EVC: variants seen among roughly 807,000 people sequenced by gnomAD.
The protein encoded by EVC is EvC ciliary complex subunit 1.
A neutral mutation model predicts 118.9 loss-of-function variants in EVC; 116 were observed. The ratio of observed to expected loss-of-function variants is 0.98; its 90% CI spans 0.84 to 1.14. The LOEUF (loss-of-function observed/expected upper bound fraction) is 1.14, where lower values mean the gene tolerates loss of function less well. Among genes scored for constraint, EVC ranks in the 50% most tolerant of loss-of-function variants. The probability of loss-of-function intolerance (pLI) is 0.00; values close to 1 mark genes in which losing one functional copy is unlikely to be tolerated. For missense variants in EVC, 1,401 were observed against 1,246.4 expected (o/e 1.12, Z -1.87); for synonymous variants, 619 against 534.7 (o/e 1.16, Z -2.18).
At chr4:5,825,016 G>A in the EVC span, 1 of 984,830 alleles carries the variant, frequency 1.0e-6, no homozygotes, top group Admixed American at 6.2e-5. The surrounding 1 kb of genome is among the most constrained non-coding windows in gnomAD (Gnocchi z 4.4). Context: ...AATAAATAGG[G>A]TATAATGTTA....
At chr4:5,797,597 G>A (rs75130061) in intron 14 of EVC, among the ~76,000 whole-genome samples, 229 of 152,282 alleles carry the variant, frequency 1.5e-3, no homozygotes, top group Middle Eastern at 6.8e-3. Flanking sequence ...CAAGGCCCAC[G>A]TTAATGACCT....
the EVC span, chr4:5,824,500 CTT>C: frequency 1.0e-4 from 99 of 977,412 alleles, no homozygotes; most frequent in African/African-American, 1.3e-3. Flanking sequence ...CTCTCTCTCT[CTT>C]TGCCCCTTCC....
At chr4:5,736,280 TAC>T (rs10556213) in intron 5 of EVC, among the ~76,000 whole-genome samples, 2,626 of 149,026 alleles carry the variant, frequency 0.018, 50 homozygotes, top group African/African-American at 0.047. Context: ...TGCATAGAAC[TAC>T]ACACACACAC....
At chr4:5,740,868 C>G (rs1351358) in intron 5 of EVC, among the ~76,000 whole-genome samples, 29,826 of 152,120 alleles carry the variant, frequency 0.2, 3,822 homozygotes, top group Non-Finnish European at 0.29. Context: ...CATGAAAATC[C>G]AAGTTGAACT....
chr4:5,794,572 G>T (rs1713592463), intron 13 of EVC, among the ~76,000 whole-genome samples: 1 of 150,822 alleles, frequency 6.6e-6, no homozygotes. Flanking sequence ...CATCATGCCT[G>T]GCTAATTTTT....
chr4:5,715,625 T>C (rs1456749392), intron 1 of EVC, among the ~76,000 whole-genome samples: 2 of 152,248 alleles, frequency 1.3e-5, no homozygotes, highest in East Asian at 1.9e-4. Flanking sequence ...GATGCAACTC[T>C]TTTGAGAACT....
rs80188245 is a variant in EVC at position 5,742,115 on chromosome 4, T to C, written c.801+301T>C. Among the ~76,000 whole-genome samples the C allele has an allele frequency of 0.011, 1,664 of 152,322 alleles. 34 individuals are homozygous for C. The highest frequency in any genetic ancestry group is 0.038 in the African/African-American group (1,572 of 41,564). On this transcript the variant is annotated intron_variant, in intron 6 of 20. Coordinates refer to ENST00000264956, the MANE Select transcript of EVC (RefSeq NM_153717.3). This position sits in a 1 kb window ranked among gnomAD's most constrained non-coding sequence, Gnocchi z 5.2. ...GATATTTTTAAAGACATAATTTGTT[T>C]ATTGGTTATAGCTATGTATACTACT...
At chr4:5,783,917 G>T (rs1037709635) in intron 12 of EVC, among the ~76,000 whole-genome samples, 153 bp downstream of exon 12, 1 of 149,770 alleles carries the variant, frequency 6.7e-6, no homozygotes, top group Non-Finnish European at 1.5e-5. Context: ...GCCCACCACA[G>T]GGGTGGGATG....
chr4:5,824,288 C>G, the EVC span: 24 of 985,176 alleles, frequency 2.4e-5, no homozygotes, highest in Non-Finnish European at 2.9e-5. Flanking sequence ...CATCACATGA[C>G]TTTTAGCATT....
At position 5,798,394 on chromosome 4, in the gene EVC, CACAGACACCTA is replaced by C. The variant is rs3830226; in HGVS notation, c.2098-178_2098-168del. Among the ~76,000 whole-genome samples, 20,536 of 152,170 alleles carry C rather than the reference CACAGACACCTA, an allele frequency of 0.13. 1,678 individuals carry two copies. Among genetic ancestry groups the C allele is most frequent in the South Asian group, 0.23 (1,114 of 4,816 alleles). ...TCAATAAATGCCCTTTTTCTGGGGA[CACAGACACCTA>C]ACAGACACCTAACCTCATCCATTGA... On this transcript the variant is annotated intron_variant, in intron 14 of 20. Coordinates refer to ENST00000264956, the MANE Select transcript of EVC (RefSeq NM_153717.3). This position sits in a 1 kb window ranked among gnomAD's most constrained non-coding sequence, Gnocchi z 4.1.
intron 11 of EVC, among the ~76,000 whole-genome samples, chr4:5,781,579 GTAATCCCAGCACT>G (rs1452006835): frequency 6.6e-6 from 1 of 152,156 alleles, no homozygotes; most frequent in East Asian, 1.9e-4. Context: ...GCCCACACCT[GTAATCCCAGCACT>G]TTGGGAGGTC....
rs60275784 is a variant in EVC at position 5,736,506 on chromosome 4, A to ATT, written c.702+3089_702+3090dup. Among the ~76,000 whole-genome samples the ATT allele has an allele frequency of 8.5e-3, 1,158 of 136,158 alleles. 11 individuals are homozygous for ATT. The highest frequency in any genetic ancestry group is 0.018 in the African/African-American group (648 of 36,882). 89.3% of individuals were successfully genotyped at this position (136,158 alleles called of 152,430 possible). On this transcript the variant is annotated intron_variant, in intron 5 of 20. Transcript: ENST00000264956. ...CTTAATTGCGCTTCAGAGATGCTGC[A>ATT]TTTTTTTTTTTTTTTTTTTACAAAT... is the stretch of plus-strand genomic sequence containing the variant.
chr4:5,766,793 T>G (rs1732935219), intron 11 of EVC, among the ~76,000 whole-genome samples: 1 of 138,818 alleles, frequency 7.2e-6, no homozygotes, highest in Admixed American at 7.1e-5. Flanking sequence ...GTTATTCTAG[T>G]TATACATTCA....
chr4:5,728,464 A>T (rs934466560), intron 2 of EVC, among the ~76,000 whole-genome samples: 2 of 151,860 alleles, frequency 1.3e-5, no homozygotes, highest in South Asian at 2.1e-4. Flanking sequence ...CAGCTTAAGG[A>T]GATTTTGGGC....
At chr4:5,761,775 A>G (rs1732063041) in intron 11 of EVC, among the ~76,000 whole-genome samples, 1 of 151,792 alleles carries the variant, frequency 6.6e-6, no homozygotes, top group African/African-American at 2.4e-5. Context: ...TAGCAAGGGA[A>G]GGGGTACAAT....
intron 11 of EVC, among the ~76,000 whole-genome samples, chr4:5,777,113 G>C (rs2152256269): frequency 1.3e-5 from 2 of 152,102 alleles, no homozygotes; most frequent in African/African-American, 4.8e-5. Flanking sequence ...TTTCAAATTT[G>C]CACACTTATT....
rs547166259 is a variant in EVC at position 5,754,680 on chromosome 4, TG to T, written c.1464+750del. On this transcript the variant is annotated intron_variant, in intron 10 of 20. Coordinates refer to ENST00000264956, the MANE Select transcript of EVC (RefSeq NM_153717.3). The surrounding 1 kb of genome is among the most constrained non-coding windows in gnomAD (Gnocchi z 5.8). ...ATTGGGCGCTGAGGCCAGCCACACT[TG>T]GGTTTGGGTGCTGACTCTGCCACTA... Among the ~76,000 whole-genome samples, 5 of 152,118 alleles carry T rather than the reference TG, an allele frequency of 3.3e-5. No homozygotes were observed. Among genetic ancestry groups the T allele is most frequent in the African/African-American group, 1.2e-4 (5 of 41,516 alleles).
chr4:5,768,212 G>GT (rs1733284555), intron 11 of EVC, among the ~76,000 whole-genome samples: 1 of 152,152 alleles, frequency 6.6e-6, no homozygotes, highest in African/African-American at 2.4e-5. Context: ...TTCCAAGATA[G>GT]TTGCATTTAC....
At chr4:5,720,756 A>G (rs1724816622) in intron 2 of EVC, among the ~76,000 whole-genome samples, 1 of 152,228 alleles carries the variant, frequency 6.6e-6, no homozygotes, top group Admixed American at 6.5e-5. Flanking sequence ...CATGGCTTGC[A>G]GGAGATGAGT....
Sources: gnomAD v4.1 joint callset for allele counts (sites outside exome capture counted in the v4.1 genomes callset) on GRCh38, gnomAD v4.1.1 for gene constraint, Gnocchi (gnomAD v3.1) non-coding constraint, MANE v1.5 for transcripts, NCBI Gene and HGNC (gene_info 2026-07-23, HGNC 2026-07-21) for gene names.